RBM27: variants seen among roughly 807,000 people sequenced by gnomAD.
The protein encoded by RBM27 is RNA binding motif protein 27, also known as RNA-binding protein 27.
RBM27 carries 22 observed loss-of-function variants against 135.3 expected under a neutral mutation model. The ratio of observed to expected loss-of-function variants is 0.16; its 90% CI spans 0.12 to 0.23. RBM27 has a LOEUF of 0.23. Among genes scored for constraint, RBM27 ranks in the 10% least tolerant of loss-of-function variants. The pLI is 1.00. For missense variants in RBM27, 1,009 were observed against 1,281.0 expected, an observed-to-expected ratio of 0.79 and a Z score of 3.24; for synonymous variants, 481 against 442.4, an observed-to-expected ratio of 1.09 and a Z score of -1.10.
At chr5:146,260,722 A>G (rs752761644) in intron 11 of RBM27, 23 bp from the exon 12 acceptor site, 11 of 1,575,076 alleles carry the variant, frequency 7.0e-6, no homozygotes, top group Non-Finnish European at 9.5e-6. Flanking sequence ...GAATTAACCA[A>G]GATGTATTAA....
intron 3 of RBM27, among the ~76,000 whole-genome samples, chr5:146,227,692 T>G (rs557901121): frequency 6.6e-6 from 1 of 152,292 alleles, no homozygotes; most frequent in Admixed American, 6.5e-5. Flanking sequence ...TGAGCTGAGA[T>G]AGCGCCACTG....
chr5:146,264,412 C>T (rs1758528593), intron 14 of RBM27, among the ~76,000 whole-genome samples: 1 of 152,034 alleles, frequency 6.6e-6, no homozygotes, highest in African/African-American at 2.4e-5. Flanking sequence ...GGAACTCCGA[C>T]CTTAGGTGAT....
At chr5:146,243,039 G>T (rs947489773) in intron 8 of RBM27, among the ~76,000 whole-genome samples, 2 of 152,102 alleles carry the variant, frequency 1.3e-5, no homozygotes, top group African/African-American at 4.8e-5. Context: ...GCTAAGGCAG[G>T]CGGATCACCT....
intron 6 of RBM27, 22 bp downstream of exon 6, chr5:146,230,939 C>T: frequency 6.2e-7 from 1 of 1,611,250 alleles, no homozygotes. Context: ...CACCTTTTCT[C>T]ATATTGTGCC....
chr5:146,217,906 C>G (rs963947702), intron 1 of RBM27, among the ~76,000 whole-genome samples: 4 of 151,856 alleles, frequency 2.6e-5, no homozygotes, highest in African/African-American at 9.7e-5. Context: ...TACAGACGTG[C>G]ACCACCACAC....
At chr5:146,207,091 T>A (rs1755714078) in intron 1 of RBM27, among the ~76,000 whole-genome samples, 1 of 152,220 alleles carries the variant, frequency 6.6e-6, no homozygotes, top group Non-Finnish European at 1.5e-5. Flanking sequence ...TATTCCAGAT[T>A]CAAGAAAATT....
Position 146,261,925 on chromosome 5 carries a change from A to G in RBM27, c.2190+119A>G. ...CTACTCTTAATTTGAACTGCAGACC[A>G]GTAGCATCTGATCTCCTGGGATCTT... is the stretch of plus-strand genomic sequence containing the variant. On this transcript the variant is annotated intron_variant, in intron 13 of 20. Transcript: ENST00000265271. 4 of 998,684 alleles carry G rather than the reference A, an allele frequency of 4.0e-6. No homozygotes were observed. In the East Asian group the frequency reaches 7.8e-5, roughly 19 times the overall value. The allele number at this position is 998,684 out of a possible 1,614,324, so 61.9% of individuals were successfully genotyped here. A position where few individuals can be genotyped will look rare whatever the true frequency, so the allele number is the denominator to read the frequency against.
chr5:146,216,746 C>T (rs544000601), intron 1 of RBM27, among the ~76,000 whole-genome samples: 6 of 152,262 alleles, frequency 3.9e-5, no homozygotes, highest in African/African-American at 1.4e-4. Flanking sequence ...CAGCCTTGAC[C>T]TCCTAGGCTC....
chr5:146,233,449 G>T lies in RBM27; in HGVS notation c.851-1G>T. 6.5e-7 allele frequency: 1 copy of T among 1,535,806 alleles called. No individual in the cohort carries two copies. Among genetic ancestry groups the T allele is most frequent in the South Asian group, 1.2e-5 (1 of 80,190 alleles). ...TTCTTTTTTTATTCTTTATTCCACA[G>T]AAAGAGGATTTTGTGTACTTGGTGA... is the stretch of plus-strand genomic sequence containing the variant. On this transcript the variant is annotated splice_acceptor_variant, in intron 6 of 20. Coordinates refer to ENST00000265271, the MANE Select transcript of RBM27 (RefSeq NM_018989.2). LOFTEE classifies it high-confidence loss of function.
chr5:146,231,357 G>A (rs1478374463), intron 6 of RBM27, among the ~76,000 whole-genome samples: 2 of 151,644 alleles, frequency 1.3e-5, no homozygotes, highest in African/African-American at 4.8e-5. Context: ...TGCCTGCCTC[G>A]GCCTCCCAGT....
chr5:146,257,942 G>A (rs549220880), intron 10 of RBM27, among the ~76,000 whole-genome samples: 28 of 152,020 alleles, frequency 1.8e-4, no homozygotes, highest in Non-Finnish European at 3.4e-4. Flanking sequence ...TCAGCCTCCC[G>A]AGTAGCTGGG....
chr5:146,203,968 A>C, intron 1 of RBM27, 144 bp downstream of exon 1: 2 of 762,676 alleles, frequency 2.6e-6, no homozygotes, highest in Non-Finnish European at 3.9e-6. Context: ...TAGTACTATC[A>C]CCATTGTGGT....
In RBM27 at chr5:146,229,864, C is replaced by T. The variant is rs1421486423; in HGVS notation, c.543C>T (p.Ser181=). The stretch of plus-strand genomic sequence containing the variant: ...GTCGAGGCCTGAGTCGCAGTAGAAG[C>T]CGAAGTAGGGGGCGCAGCAAAGACC... ...SKSRGLSRSR[S]RSRGRSKDRD... is the part of the protein sequence containing the mutation. Residue 181 remains serine (S), a synonymous_variant, in exon 5 of 21, where the codon AGC becomes AGT. Coordinates refer to ENST00000265271, the MANE Select transcript of RBM27 (RefSeq NM_018989.2). 5.0e-6 allele frequency: 8 copies of T among 1,613,828 alleles called. No homozygotes were observed. The highest frequency in any genetic ancestry group is 6.8e-6 in the Non-Finnish European group (8 of 1,179,908).
Position 146,228,924 on chromosome 5 carries a change from TCTA to T in RBM27, c.304-19_304-17del, listed in dbSNP as rs760482121. On this transcript the variant is annotated intron_variant, in intron 3 of 20. Transcript: ENST00000265271. The stretch of plus-strand genomic sequence containing the variant: ...CACCGTGCCTGGCCCTGCTCTTACT[TCTA>T]CTCAATATTTTCATATAGGTATTTC... 2 of 1,605,908 alleles carry T rather than the reference TCTA, an allele frequency of 1.2e-6. No homozygotes were observed. Among genetic ancestry groups the T allele is most frequent in the South Asian group, 2.2e-5 (2 of 90,894 alleles).
chr5:146,233,619 C>T lies in RBM27; in HGVS notation c.1020C>T (p.Gly340=), dbSNP rs531339624. The stretch of plus-strand genomic sequence containing the variant: ...TAATGCCTCCAATGCCAGGTCCAGG[C>T]CCAGGCCCGGGCCCAGGTCCAGGCC... ...GMLMPPMPGP[G]PGPGPGPGPG... The change falls in exon 7 of 21, where the codon GGC becomes GGT. Residue 340 remains glycine, a synonymous_variant. Coordinates refer to ENST00000265271, the MANE Select transcript of RBM27 (RefSeq NM_018989.2). 1.3e-6 allele frequency: 2 copies of T among 1,598,486 alleles called. No individual in the cohort carries two copies. The highest frequency in any genetic ancestry group is 1.7e-6 in the Non-Finnish European group (2 of 1,170,298).
At chr5:146,248,180 T>G (rs977356677) in intron 8 of RBM27, among the ~76,000 whole-genome samples, 4 of 151,974 alleles carry the variant, frequency 2.6e-5, no homozygotes. Context: ...TTTTTTGATG[T>G]TCAGATTGTC....
chr5:146,217,741 A>T (rs1244719763), intron 1 of RBM27, among the ~76,000 whole-genome samples: 1 of 151,306 alleles, frequency 6.6e-6, no homozygotes, highest in East Asian at 1.9e-4. Context: ...GTTATTCTGA[A>T]TTTTTTGTTT....
intron 19 of RBM27, among the ~76,000 whole-genome samples, chr5:146,273,328 C>T (rs969937124): frequency 6.6e-6 from 1 of 152,284 alleles, no homozygotes; most frequent in African/African-American, 2.4e-5. Flanking sequence ...AAAGTAGAAC[C>T]ATTCTAAAGC....
At chr5:146,209,046 C>T (rs941174518) in intron 1 of RBM27, among the ~76,000 whole-genome samples, 1 of 152,102 alleles carries the variant, frequency 6.6e-6, no homozygotes, top group Admixed American at 6.6e-5. Context: ...CACTCTGTGA[C>T]TTAGGATAAG....
Sources: allele counts gnomAD v4.1 joint callset (sites outside exome capture counted in the v4.1 genomes callset), GRCh38; gene constraint gnomAD v4.1.1; transcripts MANE v1.5; gene names NCBI Gene and HGNC (gene_info 2026-07-23, HGNC 2026-07-21).